ZNF846: variants seen among roughly 807,000 people sequenced by gnomAD.
ZNF846 encodes the protein zinc finger protein 420 pseudogene.
A neutral mutation model predicts 16.0 loss-of-function variants in ZNF846; 15 were observed. The ratio of observed to expected loss-of-function variants is 0.94; its 90% CI spans 0.63 to 1.45. The LOEUF (loss-of-function observed/expected upper bound fraction) is 1.45, where lower values mean the gene tolerates loss of function less well. Ranked by LOEUF, ZNF846 falls within the 40% of genes most tolerant of loss-of-function variation. The pLI, the probability that ZNF846 is intolerant of heterozygous loss-of-function variation, is 0.00. For synonymous variants in ZNF846, 229 were observed against 212.0 expected (o/e 1.08, Z -0.70); for missense variants, 714 against 622.3 (o/e 1.15, Z -1.57).
intron 3 of ZNF846, among the ~76,000 whole-genome samples, chr19:9,763,052 G>A (rs931920438): frequency 4.6e-5 from 7 of 151,898 alleles, no homozygotes; most frequent in African/African-American, 1.7e-4. Context: ...GCTGAGGCAG[G>A]AGAATCACTT....
chr19:9,759,241 G>T (rs937021771), intron 5 of ZNF846, among the ~76,000 whole-genome samples: 3 of 151,782 alleles, frequency 2.0e-5, no homozygotes, highest in Non-Finnish European at 4.4e-5. Context: ...CAAGTGATCT[G>T]CCCGCTTTGG....
chr19:9,780,092 T>C, intron 1 of ZNF846, among the ~76,000 whole-genome samples: 1 of 145,362 alleles, frequency 6.9e-6, no homozygotes, highest in African/African-American at 2.7e-5. Context: ...GGTCTCACTA[T>C]ATTGCCCAGC....
At chr19:9,763,494 TAGAAGCCTGC>T (rs2045264995) in intron 2 of ZNF846, 86 bp from the exon 3 acceptor site, 2 of 1,324,488 alleles carry the variant, frequency 1.5e-6, no homozygotes, top group Non-Finnish European at 2.0e-6. Flanking sequence ...TAAGGAAGAC[TAGAAGCCTGC>T]AGTACTCCCA....
intron 1 of ZNF846, among the ~76,000 whole-genome samples, chr19:9,777,997 T>C (rs561162111): frequency 6.6e-6 from 1 of 152,258 alleles, no homozygotes; most frequent in African/African-American, 2.4e-5. Context: ...TACAGTATTA[T>C]CAGATTCAAA....
At chr19:9,780,198 T>A (rs374739559) in intron 1 of ZNF846, among the ~76,000 whole-genome samples, 6 of 151,882 alleles carry the variant, frequency 4.0e-5, no homozygotes, top group African/African-American at 1.5e-4. Flanking sequence ...CCACTCTTTT[T>A]TTCTTTCTGT....
downstream of ZNF846, among the ~76,000 whole-genome samples, chr19:9,755,159 C>T (rs1055888085): frequency 2.0e-4 from 31 of 151,412 alleles, 2 homozygotes; most frequent in African/African-American, 5.9e-4. Context: ...CTGGTGACCA[C>T]GGGGATTAAA....
At chr19:9,755,844 A>ATTT (rs1355948830), downstream of ZNF846, among the ~76,000 whole-genome samples, 1 of 107,012 alleles carries the variant, frequency 9.3e-6, no homozygotes, top group Non-Finnish European at 1.9e-5. Context: ...GTATTACCAG[A>ATTT]TTTTTTTTTT....
downstream of ZNF846, among the ~76,000 whole-genome samples, chr19:9,752,884 T>C (rs542110905): frequency 1.4e-4 from 21 of 152,158 alleles, no homozygotes; most frequent in Non-Finnish European, 2.8e-4. Context: ...TTTCACTGTA[T>C]CTGTCCATTC....
intron 1 of ZNF846, among the ~76,000 whole-genome samples, chr19:9,783,544 A>AATATATATATATATATAT (rs1555714919): frequency 8.3e-5 from 9 of 108,822 alleles, no homozygotes; most frequent in African/African-American, 2.6e-4. Flanking sequence ...AAAAAAAAAA[A>AATATATATATATATATAT]ATATATATAT....
downstream of ZNF846, among the ~76,000 whole-genome samples, chr19:9,752,733 A>T (rs751327945): frequency 2.7e-5 from 4 of 146,960 alleles, no homozygotes; most frequent in African/African-American, 5.1e-5. Context: ...TGCTTATCTC[A>T]TACATTATTT....
At chr19:9,781,680 A>G (rs1434262466) in intron 1 of ZNF846, among the ~76,000 whole-genome samples, 1 of 152,214 alleles carries the variant, frequency 6.6e-6, no homozygotes, top group African/African-American at 2.4e-5. Flanking sequence ...CTTTACAGCA[A>G]AGCAAGTGGA....
chr19:9,780,685 G>C (rs902467190), intron 1 of ZNF846, among the ~76,000 whole-genome samples: 4 of 152,020 alleles, frequency 2.6e-5, no homozygotes, highest in Non-Finnish European at 5.9e-5. Flanking sequence ...CTGACCTCAA[G>C]TGATCCACCT....
At position 9,767,130 on chromosome 19, in the gene ZNF846, T is replaced by TTTA. The variant is rs2045329017; in HGVS notation, c.-86+1158_-86+1159insTAA. 3.3e-5 allele frequency among the ~76,000 whole-genome samples: 5 copies of TTTA among 151,180 alleles called. No individual in the cohort carries two copies. The South Asian group carries it at 1.0e-3, about 32-fold the overall frequency. On this transcript the variant is annotated intron_variant, in intron 1 of 5. Transcript: ENST00000397902. ...GGGTGAGCCACTGTGCCCGGCCTAG[T>TTTA]TTTATTTATTTATTTATTTATTTAG...
In ZNF846 at chr19:9,783,302, C is replaced by T. The variant is rs146017017; in HGVS notation, c.-86+2636G>A. ...CTGGAGTGCAGTAGCACGATCTCAG[C>T]TCACTGCAACCTCCAACTCCCAAGT... On this transcript the variant is annotated intron_variant, in intron 1 of 4. Transcript: ENST00000586814. Among the ~76,000 whole-genome samples, 1,182 of 133,542 alleles carry T rather than the reference C, an allele frequency of 8.9e-3. 14 individuals are homozygous for T. Among genetic ancestry groups the T allele is most frequent in the Middle Eastern group, 0.016 (3 of 190 alleles). 87.6% of individuals were successfully genotyped at this position (133,542 alleles called of 152,430 possible).
intron 1 of ZNF846, among the ~76,000 whole-genome samples, chr19:9,784,710 C>G (rs943915408): frequency 6.6e-6 from 1 of 152,098 alleles, no homozygotes; most frequent in East Asian, 1.9e-4. Flanking sequence ...GGACAATACC[C>G]GGGCTTTCTT....
intron 4 of ZNF846, among the ~76,000 whole-genome samples, chr19:9,761,689 C>T (rs191378136): frequency 4.7e-5 from 7 of 148,734 alleles, no homozygotes; most frequent in African/African-American, 7.5e-5. Context: ...CCAGCCAGGG[C>T]GACAGTGCAA....
At chr19:9,754,563 T>TCAAAAAAAAAAAAAAAAAAAA (rs776769152), downstream of ZNF846, among the ~76,000 whole-genome samples, 33 of 83,770 alleles carry the variant, frequency 3.9e-4, 3 homozygotes, top group African/African-American at 1.5e-3. Flanking sequence ...AGACTCTGTC[T>TCAAAAAAAAAAAAAAAAAAAA]TAAAAAAAAA....
Position 9,759,896 on chromosome 19 carries a change from A to T in ZNF846, c.276T>A (p.Asp92Glu), listed in dbSNP as rs1289614097. 6.2e-7 allele frequency: 1 copy of T among 1,613,256 alleles called. No individual in the cohort carries two copies. Among genetic ancestry groups the T allele is most frequent in the East Asian group, 2.2e-5 (1 of 44,872 alleles). ...CATTTGGTGATCTTTCTGCAGAAAT[A>T]TCTTGCAGCAGTGGGGAGCCTTTGG... The change falls in exon 5 of 6, where the codon GAT becomes GAA. Residue 92 changes from aspartate (D) to glutamate (E), a missense_variant. Physicochemically the swap from Asp to Glu is conservative, Grantham distance 45. Transcript: ENST00000397902.
At chr19:9,758,309 A>G in exon 6 of ZNF846, 1 of 1,613,504 alleles carries the variant, frequency 6.2e-7, no homozygotes, top group Non-Finnish European at 8.5e-7. Context: ...CACATTCTTT[A>G]CAGACATAGG....
Sources: allele counts gnomAD v4.1 joint callset (sites outside exome capture counted in the v4.1 genomes callset), GRCh38; gene constraint gnomAD v4.1.1; transcripts MANE v1.5; gene names NCBI Gene and HGNC (gene_info 2026-07-23, HGNC 2026-07-21).